Variants in SIPA1L2 observed in about 807,000 individuals in gnomAD.
The protein encoded by SIPA1L2 is signal induced proliferation associated 1 like 2, also known as signal-induced proliferation-associated 1-like protein 2.
SIPA1L2 carries 56 observed loss-of-function variants against 163.9 expected under a neutral mutation model. That is an observed-to-expected ratio of 0.34 (90% CI 0.28 to 0.43). The LOEUF (loss-of-function observed/expected upper bound fraction) is 0.43, where lower values mean the gene tolerates loss of function less well. SIPA1L2 is among the 20% of genes least tolerant of loss of function. The probability of loss-of-function intolerance (pLI) is 1.00; values close to 1 mark genes in which losing one functional copy is unlikely to be tolerated. For synonymous variants in SIPA1L2, 877 were observed against 865.7 expected (o/e 1.01, Z -0.23); for missense variants, 1,974 against 2,193.5 (o/e 0.90, Z 2.00).
chr1:232,590,703 A>G (rs1660912681), intron 1 of SIPA1L2, among the ~76,000 whole-genome samples: 1 of 149,028 alleles, frequency 6.7e-6, no homozygotes, highest in Non-Finnish European at 1.5e-5. Context: ...TATCTCTACC[A>G]CCATAAAAAA....
At chr1:232,575,711 G>GAACT (rs1275958883) in intron 1 of SIPA1L2, among the ~76,000 whole-genome samples, 1 of 152,180 alleles carries the variant, frequency 6.6e-6, no homozygotes, top group East Asian at 1.9e-4. Flanking sequence ...TCTCGAAGAT[G>GAACT]AACTGGCACA....
intron 7 of SIPA1L2, among the ~76,000 whole-genome samples, chr1:232,474,854 A>C (rs1045779378): frequency 6.6e-6 from 1 of 152,238 alleles, no homozygotes; most frequent in East Asian, 1.9e-4. Context: ...TGGGTGAAAA[A>C]TGAAAGCTGA....
intron 2 of SIPA1L2, among the ~76,000 whole-genome samples, chr1:232,551,393 T>C (rs16857636): frequency 0.025 from 3,791 of 152,282 alleles, 142 homozygotes; most frequent in East Asian, 0.1. Flanking sequence ...CTAAGGAACA[T>C]TGGCTGCCAG....
At position 232,432,490 on chromosome 1, in the gene SIPA1L2, A is replaced by G; in HGVS notation, c.4032-19T>C. The G allele has an allele frequency of 6.2e-7, 1 of 1,604,064 alleles. No homozygotes were observed. Among genetic ancestry groups the G allele is most frequent in the East Asian group, 2.2e-5 (1 of 44,816 alleles). On this transcript the variant is annotated intron_variant, in intron 15 of 22. Coordinates refer to ENST00000674635, the MANE Select transcript of SIPA1L2 (RefSeq NM_020808.5). ...AGAACCACTGAGGAGAAAAACAGACAAAAGCTGCAATACAATCTGATTTCA... is the reference window on the plus strand; with the variant it reads ...AGAACCACTGAGGAGAAAAACAGACGAAAGCTGCAATACAATCTGATTTCA...
At chr1:232,491,391 G>A (rs112404153) in intron 4 of SIPA1L2, among the ~76,000 whole-genome samples, 1 of 152,138 alleles carries the variant, frequency 6.6e-6, no homozygotes, top group Non-Finnish European at 1.5e-5. Context: ...TTCACACAGA[G>A]AGGAAACCAG....
intron 1 of SIPA1L2, among the ~76,000 whole-genome samples, chr1:232,586,175 G>A (rs1335024908): frequency 1.3e-5 from 2 of 152,120 alleles, no homozygotes; most frequent in Non-Finnish European, 2.9e-5. Context: ...AGTTTGCACA[G>A]GGGATTCTGC....
chr1:232,528,929 A>G (rs1667845424), intron 2 of SIPA1L2, among the ~76,000 whole-genome samples: 1 of 152,178 alleles, frequency 6.6e-6, no homozygotes, highest in Admixed American at 6.6e-5. Flanking sequence ...TTGGGTGTTA[A>G]CCACCCACTT....
At chr1:232,522,406 G>A (rs778317719) in intron 2 of SIPA1L2, among the ~76,000 whole-genome samples, 3 of 151,768 alleles carry the variant, frequency 2.0e-5, no homozygotes, top group Non-Finnish European at 4.4e-5. Context: ...TTACTAAGAG[G>A]TGTTATCCAT....
At chr1:232,623,368 G>C (rs1662915938) in intron 1 of SIPA1L2, among the ~76,000 whole-genome samples, 1 of 152,220 alleles carries the variant, frequency 6.6e-6, no homozygotes, top group South Asian at 2.1e-4. Flanking sequence ...CACTCTGGGA[G>C]GCCGAGGCGG....
At chr1:232,472,972 T>C (rs912622348) in intron 7 of SIPA1L2, among the ~76,000 whole-genome samples, 9 of 152,182 alleles carry the variant, frequency 5.9e-5, no homozygotes, top group Admixed American at 3.9e-4. Flanking sequence ...TAAATCCCCA[T>C]GGTCAAAGTT....
chr1:232,550,216 G>T (rs1658294768), intron 2 of SIPA1L2, among the ~76,000 whole-genome samples: 1 of 152,180 alleles, frequency 6.6e-6, no homozygotes, highest in African/African-American at 2.4e-5. Flanking sequence ...AAGACCATCT[G>T]TCTAAAAGCT....
intron 19 of SIPA1L2, among the ~76,000 whole-genome samples, chr1:232,409,923 T>A (rs1437938033): frequency 6.6e-6 from 1 of 152,222 alleles, no homozygotes; most frequent in Non-Finnish European, 1.5e-5. Context: ...AATAACACTT[T>A]GAAATTATAC....
Position 232,599,124 on chromosome 1 carries a change from G to A in SIPA1L2, c.-318-24902C>T, listed in dbSNP as rs184717174. ...TTAGCAAATAATGAGCATCCATTAGGTGAACAGCAACCAGCTCTATGCTTA... is the reference window on the plus strand; with the variant it reads ...TTAGCAAATAATGAGCATCCATTAGATGAACAGCAACCAGCTCTATGCTTA... On this transcript the variant is annotated intron_variant, in intron 1 of 22. Transcript: ENST00000674635. Among the ~76,000 whole-genome samples the A allele has an allele frequency of 1.4e-3, 210 of 152,254 alleles. 1 individual carries two copies. The highest frequency in any genetic ancestry group is 4.9e-3 in the African/African-American group (204 of 41,506).
chr1:232,591,726 C>A (rs571013150), intron 1 of SIPA1L2, among the ~76,000 whole-genome samples: 3 of 152,194 alleles, frequency 2.0e-5, no homozygotes, highest in African/African-American at 7.2e-5. Flanking sequence ...TACCTTATGA[C>A]AAGGAGAGAG....
At chr1:232,629,258 A>T (rs985810135) in intron 1 of SIPA1L2, among the ~76,000 whole-genome samples, 6 of 152,182 alleles carry the variant, frequency 3.9e-5, no homozygotes, top group Admixed American at 3.9e-4. Flanking sequence ...GTTCCCAGGG[A>T]TATTCCCAGG....
chr1:232,426,548 C>T (rs565564914), intron 17 of SIPA1L2, among the ~76,000 whole-genome samples: 39 of 152,142 alleles, frequency 2.6e-4, no homozygotes, highest in African/African-American at 9.4e-4. Flanking sequence ...TAGTCCCAGC[C>T]ACTAGGGAGG....
At chr1:232,598,029 A>G (rs1661373400) in intron 1 of SIPA1L2, among the ~76,000 whole-genome samples, 1 of 152,206 alleles carries the variant, frequency 6.6e-6, no homozygotes, top group Non-Finnish European at 1.5e-5. Context: ...CCTCATCCTC[A>G]GCCTGGCCAT....
rs200975807 is a variant in SIPA1L2 at position 232,465,050 on chromosome 1, A to T, written c.2610T>A (p.Ile870=). ...IARDFGQSAD[I]ECLLGISNEF... ...CATTGGAGATCCCGAGAAGACATTC[A>T]ATGTCAGCAGACTGGCCGAAGTCCC... Residue 870 remains isoleucine, a synonymous_variant, in exon 9 of 23, where the codon ATT becomes ATA. Transcript: ENST00000674635. This position sits in a 1 kb window ranked among gnomAD's most constrained non-coding sequence, Gnocchi z 4.1. 1 of 1,614,208 alleles carries T rather than the reference A, an allele frequency of 6.2e-7. No individual in the cohort carries two copies. The highest frequency in any genetic ancestry group is 8.5e-7 in the Non-Finnish European group (1 of 1,180,038).
rs150916726 is a variant in SIPA1L2, at chr1:232,408,443, T to C, written c.4763-4265A>G. Among the ~76,000 whole-genome samples the C allele has an allele frequency of 1.1e-4, 17 of 152,250 alleles. No individual in the cohort carries two copies. The East Asian group carries it at 1.4e-3, about 12-fold the overall frequency. On this transcript the variant is annotated intron_variant, in intron 19 of 22. Coordinates refer to ENST00000674635, the MANE Select transcript of SIPA1L2 (RefSeq NM_020808.5). ...AGGAATTAGATTTCTGGTTAAAAGG[T>C]GGGTACAGTTTTCTGGCAGTAGTAA...
Sources: allele counts gnomAD v4.1 joint callset (sites outside exome capture counted in the v4.1 genomes callset), GRCh38; gene constraint gnomAD v4.1.1; non-coding constraint Gnocchi (gnomAD v3.1); transcripts MANE v1.5; gene names NCBI Gene and HGNC (gene_info 2026-07-23, HGNC 2026-07-21).